RNF111: variants seen among roughly 807,000 people sequenced by gnomAD.
The protein encoded by RNF111 is ring finger protein 111, also known as E3 ubiquitin-protein ligase Arkadia.
A neutral mutation model predicts 95.1 loss-of-function variants in RNF111; 17 were observed. The observed-to-expected ratio is 0.18, with a 90% CI of 0.12 to 0.27. The LOEUF is 0.27. Among genes scored for constraint, RNF111 ranks in the 10% least tolerant of loss-of-function variants. The pLI is 1.00. For missense variants in RNF111, 1,189 were observed against 1,210.4 expected (o/e 0.98, Z 0.26); for synonymous variants, 440 against 414.8 (o/e 1.06, Z -0.74).
chr15:59,064,317 C>T (rs2042562173), intron 5 of RNF111, among the ~76,000 whole-genome samples: 2 of 151,934 alleles, frequency 1.3e-5, no homozygotes, highest in Admixed American at 6.6e-5. Context: ...GGGTGGATCA[C>T]GAGGTCAGGA....
chr15:59,067,688 T>C (rs2042727412), intron 6 of RNF111, among the ~76,000 whole-genome samples: 1 of 152,218 alleles, frequency 6.6e-6, no homozygotes, highest in Admixed American at 6.5e-5. Context: ...TTTTGATGTT[T>C]TTAGTTAAAT....
At chr15:58,994,723 C>T (rs778982678) in intron 1 of RNF111, among the ~76,000 whole-genome samples, 2 of 152,040 alleles carry the variant, frequency 1.3e-5, no homozygotes, top group African/African-American at 4.8e-5. Context: ...AGTGATCAGC[C>T]TACTTCAGCC....
chr15:59,074,702 A>G (rs988296619), intron 6 of RNF111, among the ~76,000 whole-genome samples: 18 of 152,164 alleles, frequency 1.2e-4, no homozygotes, highest in Non-Finnish European at 2.4e-4. Flanking sequence ...TCAGTTTCTT[A>G]TCATTTGTGT....
At chr15:59,070,570 A>T (rs557865413) in intron 6 of RNF111, among the ~76,000 whole-genome samples, 65 of 152,350 alleles carry the variant, frequency 4.3e-4, no homozygotes, top group South Asian at 6.2e-4. Context: ...GAAGACATAC[A>T]TTGTATTTGC....
In RNF111 at chr15:59,049,434, C is replaced by G. The variant is rs551858937; in HGVS notation, c.881-2871C>G. 47 of 187,102 alleles carry G rather than the reference C, an allele frequency of 2.5e-4. 1 individual carries two copies. The South Asian group carries it at 3.6e-3, about 14-fold the overall frequency. The allele number at this position is 187,102 out of a possible 1,614,324, so 11.6% of individuals were successfully genotyped here. The stretch of plus-strand genomic sequence containing the variant: ...TCACAGGTTATAGGTTCCAGCAGTT[C>G]AGGCTCCTGTCCATTGGTTCTCACA... On this transcript the variant is annotated intron_variant, in intron 2 of 13. Transcript: ENST00000348370.
chr15:59,036,204 TG>T (rs1361605666), intron 2 of RNF111, among the ~76,000 whole-genome samples: 1 of 152,108 alleles, frequency 6.6e-6, no homozygotes, highest in African/African-American at 2.4e-5. Context: ...ATGACAGGCC[TG>T]CACCACCACG....
At chr15:59,078,974 A>C (rs1351491993) in intron 7 of RNF111, among the ~76,000 whole-genome samples, 1 of 152,238 alleles carries the variant, frequency 6.6e-6, no homozygotes, top group Non-Finnish European at 1.5e-5. Flanking sequence ...ATGTTGGAAT[A>C]AAGCATAGTA....
intron 2 of RNF111, chr15:59,049,335 GTTTTA>G (rs2041860803): frequency 1.1e-5 from 1 of 93,302 alleles, no homozygotes; most frequent in Admixed American, 1.0e-4. Flanking sequence ...GTTTTATTTT[GTTTTA>G]TTTATAGTCC....
At chr15:59,010,505 G>A (rs1042336623) in intron 1 of RNF111, among the ~76,000 whole-genome samples, 29 of 151,972 alleles carry the variant, frequency 1.9e-4, no homozygotes, top group African/African-American at 6.0e-4. Flanking sequence ...AGGTTTAAGC[G>A]ATTCTCCTGC....
intron 1 of RNF111, among the ~76,000 whole-genome samples, chr15:59,015,876 G>A (rs933317081): frequency 6.6e-6 from 1 of 151,688 alleles, no homozygotes; most frequent in Non-Finnish European, 1.5e-5. Flanking sequence ...TTATTTATTC[G>A]AGACAGGTTC....
rs1873064079 is a variant in RNF111 at position 59,091,159 on chromosome 15, G to T, written c.2739+5G>T. 13 of 1,540,058 alleles carry T rather than the reference G, an allele frequency of 8.4e-6. No individual in the cohort carries two copies. In the East Asian group the frequency reaches 2.7e-4, roughly 32 times the overall value. On this transcript the variant is annotated splice_donor_5th_base_variant and intron_variant, in intron 12 of 13. Coordinates refer to ENST00000348370, the MANE Select transcript of RNF111 (RefSeq NM_017610.8). ...TATCCACATAAATACAAAAAGGTAA[G>T]AATTTATTCTATGAAACTTCTGGAG...
Position 59,058,352 on chromosome 15 carries a change from G to A in RNF111, c.1172-4G>A. 1 of 1,612,632 alleles carries A rather than the reference G, an allele frequency of 6.2e-7. No homozygotes were observed. The highest frequency in any genetic ancestry group is 1.1e-5 in the South Asian group (1 of 91,030). On this transcript the variant is annotated splice_region_variant and splice_polypyrimidine_tract_variant and intron_variant, in intron 4 of 13. Transcript: ENST00000348370. ...ATGCTAAGTTGACATTTTGTATTTT[G>A]TAGAACCTACTGTAGTACCAACCAC...
intron 9 of RNF111, among the ~76,000 whole-genome samples, chr15:59,085,332 T>C (rs2078866817): frequency 6.6e-6 from 1 of 152,122 alleles, no homozygotes; most frequent in Admixed American, 6.5e-5. Flanking sequence ...ACCAAAAAAG[T>C]AAATTCTATG....
chr15:59,042,815 A>G lies in RNF111; in HGVS notation c.881-9490A>G, dbSNP rs555885755. On this transcript the variant is annotated intron_variant, in intron 2 of 13. Coordinates refer to ENST00000348370, the MANE Select transcript of RNF111 (RefSeq NM_017610.8). Reference sequence around the variant, plus strand: ...CATGTACAGGAAGAACACTCTTTTAATTATAAAATCTTTAATGTTTTCCTA... The same window carrying G: ...CATGTACAGGAAGAACACTCTTTTAGTTATAAAATCTTTAATGTTTTCCTA... 2.0e-5 allele frequency among the ~76,000 whole-genome samples: 3 copies of G among 152,306 alleles called. No homozygotes were observed. In the East Asian group the frequency reaches 5.8e-4, roughly 29 times the overall value.
intron 2 of RNF111, among the ~76,000 whole-genome samples, chr15:59,048,001 C>G (rs1420127350): frequency 6.6e-6 from 1 of 152,170 alleles, no homozygotes; most frequent in Non-Finnish European, 1.5e-5. Flanking sequence ...ACCTTCATTT[C>G]CCTATTGGGA....
Position 59,033,616 on chromosome 15 carries a change from A to G in RNF111, c.880+1914A>G, listed in dbSNP as rs142239604. Reference sequence around the variant, plus strand: ...CGAAGTCAGTGAGACAGGATGGTTGATGTGGAGCAGAAGTTCTAAGGAGCT... The same window carrying G: ...CGAAGTCAGTGAGACAGGATGGTTGGTGTGGAGCAGAAGTTCTAAGGAGCT... On this transcript the variant is annotated intron_variant, in intron 2 of 13. Transcript: ENST00000348370. Among the ~76,000 whole-genome samples, 27 of 152,308 alleles carry G rather than the reference A, an allele frequency of 1.8e-4. No individual in the cohort carries two copies. The East Asian group carries it at 4.8e-3, about 27-fold the overall frequency.
chr15:59,087,067 C>G (rs535102278), intron 10 of RNF111, among the ~76,000 whole-genome samples: 3 of 152,204 alleles, frequency 2.0e-5, no homozygotes, highest in East Asian at 3.9e-4. Context: ...TGAGTTAGGT[C>G]TTGGATGTAC....
At chr15:59,062,836 A>C (rs776246182) in intron 5 of RNF111, among the ~76,000 whole-genome samples, 1 of 152,092 alleles carries the variant, frequency 6.6e-6, no homozygotes, top group African/African-American at 2.4e-5. Context: ...TGGCACTACT[A>C]TTGACTTTGG....
At chr15:59,061,054 C>T (rs2042415601) in intron 5 of RNF111, among the ~76,000 whole-genome samples, 2 of 152,126 alleles carry the variant, frequency 1.3e-5, no homozygotes, top group Non-Finnish European at 2.9e-5. Context: ...GCCTCAGCCT[C>T]CAGAAGTGCT....
Sources: gnomAD v4.1 joint callset for allele counts (sites outside exome capture counted in the v4.1 genomes callset) on GRCh38, gnomAD v4.1.1 for gene constraint, MANE v1.5 for transcripts, NCBI Gene and HGNC (gene_info 2026-07-23, HGNC 2026-07-21) for gene names.